Variants in SHISA6 observed in about 807,000 individuals in gnomAD.
SHISA6 encodes the protein protein shisa-6.
Under a neutral mutation model 47.9 loss-of-function variants are expected in SHISA6, and 22 were observed. That is an observed-to-expected ratio of 0.46 (90% CI 0.33 to 0.66). The LOEUF (loss-of-function observed/expected upper bound fraction) is 0.66, where lower values mean the gene tolerates loss of function less well. Among genes scored for constraint, SHISA6 ranks in the 30% least tolerant of loss-of-function variants. The pLI, the probability that SHISA6 is intolerant of heterozygous loss-of-function variation, is 0.02. For missense variants in SHISA6, 680 were observed against 764.6 expected, an observed-to-expected ratio of 0.89 and a Z score of 1.30; for synonymous variants, 388 against 337.8, an observed-to-expected ratio of 1.15 and a Z score of -1.63.
chr17:11,461,907 C>T (rs1915700884), intron 3 of SHISA6, among the ~76,000 whole-genome samples: 1 of 152,114 alleles, frequency 6.6e-6, no homozygotes, highest in African/African-American at 2.4e-5. Flanking sequence ...GTCAGCAAGA[C>T]CCCAGATACC....
intron 2 of SHISA6, among the ~76,000 whole-genome samples, chr17:11,358,238 C>G (rs1360737285): frequency 6.6e-6 from 1 of 152,196 alleles, no homozygotes; most frequent in Non-Finnish European, 1.5e-5. Flanking sequence ...CTTTCTTTCT[C>G]TATGAACTCA....
At chr17:11,454,431 A>T (rs1309739599) in intron 3 of SHISA6, among the ~76,000 whole-genome samples, 2 of 152,170 alleles carry the variant, frequency 1.3e-5, no homozygotes, top group East Asian at 3.9e-4. Flanking sequence ...CTGATCAGAT[A>T]ACTCCTTACT....
chr17:11,386,927 G>A (rs944945211), intron 3 of SHISA6, among the ~76,000 whole-genome samples: 3 of 152,220 alleles, frequency 2.0e-5, no homozygotes, highest in Non-Finnish European at 2.9e-5. Flanking sequence ...AAAACCCTCA[G>A]TTTCTGGCAA....
At chr17:11,527,454 T>G (rs2071696049) in intron 3 of SHISA6, among the ~76,000 whole-genome samples, 1 of 152,218 alleles carries the variant, frequency 6.6e-6, no homozygotes, top group African/African-American at 2.4e-5. Flanking sequence ...CTGAGTCTAC[T>G]GCTGGATGAT....
At chr17:11,424,704 T>C (rs866651049) in intron 3 of SHISA6, among the ~76,000 whole-genome samples, 17 of 143,454 alleles carry the variant, frequency 1.2e-4, no homozygotes, top group African/African-American at 4.3e-4. Context: ...TTATCTTTTT[T>C]TAAAATAAAA....
At chr17:11,259,891 G>C (rs1419034726) in intron 1 of SHISA6, among the ~76,000 whole-genome samples, 1 of 152,190 alleles carries the variant, frequency 6.6e-6, no homozygotes, top group Non-Finnish European at 1.5e-5. Context: ...CAAGTCAGAA[G>C]CCTTGAAGTT....
intron 2 of SHISA6, among the ~76,000 whole-genome samples, chr17:11,366,917 G>A (rs1912471285): frequency 6.6e-6 from 1 of 152,132 alleles, no homozygotes; most frequent in South Asian, 2.1e-4. Flanking sequence ...CTTGAGATCA[G>A]GATTTTGGCA....
chr17:11,358,536 T>A (rs1302030452), intron 2 of SHISA6, among the ~76,000 whole-genome samples: 1 of 151,952 alleles, frequency 6.6e-6, no homozygotes, highest in Non-Finnish European at 1.5e-5. Flanking sequence ...ATTTTTTGTA[T>A]TTTTAGTAGA....
At chr17:11,243,663 AAAG>A (rs1907463320) in intron 1 of SHISA6, among the ~76,000 whole-genome samples, 1 of 152,214 alleles carries the variant, frequency 6.6e-6, no homozygotes, top group African/African-American at 2.4e-5. Context: ...TGTGGAAAGA[AAAG>A]AAGGAATTGC....
At position 11,241,785 on chromosome 17, in the gene SHISA6, C is replaced by T. The variant is rs1397062997; in HGVS notation, c.363C>T (p.Cys121=). Residue 121 remains cysteine (C), a synonymous_variant, in exon 1 of 6, where the codon TGC becomes TGT. Coordinates refer to ENST00000441885, the MANE Select transcript of SHISA6 (RefSeq NM_207386.4). This position sits in a 1 kb window ranked among gnomAD's most constrained non-coding sequence, Gnocchi z 5.5. Reference sequence around the variant, plus strand: ...GCGAGAGCGGCTACCTGTACTGCTGCGGTACCTGCTACTACCGCTTCTGCT... The same window carrying T: ...GCGAGAGCGGCTACCTGTACTGCTGTGGTACCTGCTACTACCGCTTCTGCT... ...NNSESGYLYC[C]GTCYYRFCCK... 1 of 1,549,854 alleles carries T rather than the reference C, an allele frequency of 6.5e-7. No individual in the cohort carries two copies. Among genetic ancestry groups the T allele is most frequent in the African/African-American group, 1.4e-5 (1 of 73,184 alleles).
At chr17:11,357,463 C>G (rs1277323445) in intron 2 of SHISA6, among the ~76,000 whole-genome samples, 4 of 152,080 alleles carry the variant, frequency 2.6e-5, no homozygotes, top group Admixed American at 2.6e-4. Flanking sequence ...TATTACATCC[C>G]AAAAAATGCC....
rs182905191 is a variant in SHISA6 at position 11,376,126 on chromosome 17, T to C, written c.800-3288T>C. On this transcript the variant is annotated intron_variant, in intron 2 of 5. Transcript: ENST00000441885. ...TCTTTTGTCCTCTTACCCTGATAAG[T>C]GGCAGATGGGCAGAGACTGCAGGAC... 9.0e-4 allele frequency among the ~76,000 whole-genome samples: 137 copies of C among 152,298 alleles called. 1 individual carries two copies. Among genetic ancestry groups the C allele is most frequent in the African/African-American group, 3.0e-3 (126 of 41,576 alleles).
chr17:11,336,498 A>G (rs1270779280), intron 2 of SHISA6, among the ~76,000 whole-genome samples: 1 of 151,924 alleles, frequency 6.6e-6, no homozygotes, highest in African/African-American at 2.4e-5. Flanking sequence ...CTCATGGGGC[A>G]CCTCCTGCTG....
At chr17:11,416,290 A>G (rs1914278483) in intron 3 of SHISA6, among the ~76,000 whole-genome samples, 1 of 152,240 alleles carries the variant, frequency 6.6e-6, no homozygotes, top group African/African-American at 2.4e-5. Context: ...TAACATTTAA[A>G]GTATATTTGT....
intron 3 of SHISA6, among the ~76,000 whole-genome samples, chr17:11,492,073 G>A (rs1974700): frequency 0.3 from 45,581 of 152,000 alleles, 7,165 homozygotes; most frequent in East Asian, 0.54. Flanking sequence ...CCAGCCGCTG[G>A]TGAAGGTTTT....
intron 3 of SHISA6, among the ~76,000 whole-genome samples, chr17:11,534,882 C>T (rs1313393711): frequency 6.6e-6 from 1 of 152,162 alleles, no homozygotes; most frequent in African/African-American, 2.4e-5. Context: ...GTAATCCCAG[C>T]ACTTTGGGAG....
intron 2 of SHISA6, among the ~76,000 whole-genome samples, chr17:11,318,716 A>G (rs1402597252): frequency 6.6e-6 from 1 of 152,230 alleles, no homozygotes; most frequent in African/African-American, 2.4e-5. Context: ...TTGCATATGC[A>G]GTATCTACCA....
At chr17:11,493,403 T>G (rs565728857) in intron 3 of SHISA6, among the ~76,000 whole-genome samples, 1 of 152,144 alleles carries the variant, frequency 6.6e-6, no homozygotes, top group Non-Finnish European at 1.5e-5. Flanking sequence ...ATTTTTGTAT[T>G]TTTAGTAGAG....
intron 3 of SHISA6, among the ~76,000 whole-genome samples, chr17:11,466,427 G>A (rs923328050): frequency 6.6e-6 from 1 of 152,122 alleles, no homozygotes; most frequent in African/African-American, 2.4e-5. Flanking sequence ...GTCCCCCAGT[G>A]GGCCCTTGAA....
Sources: gnomAD v4.1 joint callset for allele counts (sites outside exome capture counted in the v4.1 genomes callset) on GRCh38, gnomAD v4.1.1 for gene constraint, Gnocchi (gnomAD v3.1) non-coding constraint, MANE v1.5 for transcripts, NCBI Gene and HGNC (gene_info 2026-07-23, HGNC 2026-07-21) for gene names.